Variants in POLR1B observed in about 807,000 individuals in gnomAD.
The protein encoded by POLR1B is DNA-directed RNA polymerase I subunit RPA2.
Under a neutral mutation model 105.8 loss-of-function variants are expected in POLR1B, and 30 were observed. That is an observed-to-expected ratio of 0.28 (90% confidence interval 0.21 to 0.38). The LOEUF (loss-of-function observed/expected upper bound fraction) is 0.38. Ranked by LOEUF, POLR1B falls within the 10% of genes least tolerant of loss-of-function variation. The pLI is 1.00. For synonymous variants in POLR1B, 485 were observed against 505.1 expected, an observed-to-expected ratio of 0.96 and a Z score of 0.53; for missense variants, 976 against 1,435.8, an observed-to-expected ratio of 0.68 and a Z score of 5.17.
rs912835319 is a variant in POLR1B at position 112,572,681 on chromosome 2, A to G, written c.2194A>G (p.Met732Val). The G allele has an allele frequency of 6.2e-7, 1 of 1,613,500 alleles. No individual in the cohort carries two copies. The highest frequency in any genetic ancestry group is 1.1e-5 in the South Asian group (1 of 90,926). ...ACCCTCCATGTATGATTATTATGAC[A>G]TGGATAACTATCCAATTGGGACCAA... is the stretch of plus-strand genomic sequence containing the variant. The part of the protein sequence containing the change: ...VRPSMYDYYD[M>V]DNYPIGTNAI... Residue 732 changes from methionine (M) to valine (V), a missense_variant, in exon 13 of 15, where the codon ATG (methionine) becomes GTG (valine). By Grantham distance (21) the Met-to-Val change is conservative. Coordinates refer to ENST00000263331, the MANE Select transcript of POLR1B (RefSeq NM_019014.6).
intron 1 of POLR1B, among the ~76,000 whole-genome samples, chr2:112,546,129 A>G (rs1159511393): frequency 1.3e-5 from 2 of 152,136 alleles, no homozygotes; most frequent in African/African-American, 2.4e-5. Flanking sequence ...ATTAATATAT[A>G]GGAGAGCTTG....
Position 112,568,772 on chromosome 2 carries a change from G to A in POLR1B, c.1944G>A (p.Glu648=), listed in dbSNP as rs1415855735. ...EQIFMNVAIF[E]DEVFAGVTTH... ...TCTTCATGAATGTCGCTATCTTTGA[G>A]GATGAAGTTTTTGCTGGAGTTACCA... The change falls in exon 12 of 15, where the codon GAG becomes GAA. Residue 648 remains glutamate, a synonymous_variant. Transcript: ENST00000263331. 3.1e-6 allele frequency: 5 copies of A among 1,614,044 alleles called. No individual in the cohort carries two copies. Among genetic ancestry groups the A allele is most frequent in the South Asian group, 1.1e-5 (1 of 91,058 alleles).
At chr2:112,555,203 C>G (rs1339832782) in intron 7 of POLR1B, among the ~76,000 whole-genome samples, 2 of 151,054 alleles carry the variant, frequency 1.3e-5, no homozygotes, top group Non-Finnish European at 3.0e-5. Flanking sequence ...GTTAGCTGGG[C>G]ATGGTGGTAC....
At position 112,576,005 on chromosome 2, in the gene POLR1B, T is replaced by TAATGATACGGCGA; in HGVS notation, c.*276_*277insAATGATACGGCGA. The TAATGATACGGCGA allele has an allele frequency of 2.5e-6, 1 of 407,316 alleles. No homozygotes were observed. Among genetic ancestry groups the TAATGATACGGCGA allele is most frequent in the South Asian group, 2.5e-5 (1 of 40,230 alleles). The allele number at this position is 407,316 out of a possible 1,614,324, so 25.2% of individuals were successfully genotyped here. A position where few individuals can be genotyped will look rare whatever the true frequency, so the allele number is the denominator to read the frequency against. On this transcript the variant is annotated 3_prime_UTR_variant, in exon 15 of 15. Coordinates refer to ENST00000263331, the MANE Select transcript of POLR1B (RefSeq NM_019014.6). The stretch of plus-strand genomic sequence containing the variant: ...AGAGCATACGGTGACAAGTCTCCTT[T>TAATGATACGGCGA]CCAACCCCAGGTTCCCTACACCCTG...
Position 112,557,976 on chromosome 2 carries a change from G to T in POLR1B, c.1225G>T (p.Val409Phe). 7.1e-7 allele frequency: 1 copy of T among 1,416,866 alleles called. No homozygotes were observed. The highest frequency in any genetic ancestry group is 9.3e-7 in the Non-Finnish European group (1 of 1,071,132). 87.8% of individuals were successfully genotyped at this position (1,416,866 alleles called of 1,614,324 possible). ...TGATAAGAAGGCTCAGAAGACCAGT[G>T]TTTCCATGAACACTGACAATTTGAT... ...AFDKKAQKTS[V>F]SMNTDNLMRI... The change falls in exon 8 of 15, where the codon GTT becomes TTT. Residue 409 changes from valine to phenylalanine, a missense_variant. Physicochemically the swap from Val to Phe is conservative, Grantham distance 50. This residue lies in a region of POLR1B where 452 missense variants were observed against 616.5 expected (regional missense o/e 0.73). Coordinates refer to ENST00000263331, the MANE Select transcript of POLR1B (RefSeq NM_019014.6).
intron 13 of POLR1B, 134 bp from the exon 14 acceptor site, chr2:112,573,428 C>A: frequency 8.5e-7 from 1 of 1,177,456 alleles, no homozygotes; most frequent in Non-Finnish European, 1.2e-6. Flanking sequence ...TAGTTAGTAT[C>A]AGTGATTTGG....
rs368273162 is a variant in POLR1B, at chr2:112,559,414, C to T, written c.1452C>T (p.Thr484=). The change falls in exon 9 of 15, where the codon ACC becomes ACT. Residue 484 remains threonine, a synonymous_variant. Coordinates refer to ENST00000263331, the MANE Select transcript of POLR1B (RefSeq NM_019014.6). ...CTGATTTTGCCAAGATGAGGACCAC[C>T]ACAGTACGCAGGCTGCTGCCAGAGT... ...RGADFAKMRT[T]TVRRLLPESW... 6 of 1,614,120 alleles carry T rather than the reference C, an allele frequency of 3.7e-6. No individual in the cohort carries two copies. In the African/African-American group the frequency reaches 8.0e-5, roughly 22 times the overall value.
intron 3 of POLR1B, 41 bp downstream of exon 3, chr2:112,547,608 T>G: frequency 6.3e-7 from 1 of 1,592,394 alleles, no homozygotes; most frequent in Non-Finnish European, 8.6e-7. Flanking sequence ...AGAGAAGGCC[T>G]GGGTTGGGAG....
In POLR1B at chr2:112,559,300, C is replaced by T. The variant is rs1683834998; in HGVS notation, c.1338C>T (p.Gly446=). 2 of 1,613,770 alleles carry T rather than the reference C, an allele frequency of 1.2e-6. No individual in the cohort carries two copies. The highest frequency in any genetic ancestry group is 1.7e-6 in the Non-Finnish European group (2 of 1,179,738). The change falls in exon 9 of 15, where the codon GGC becomes GGT. Residue 446 remains glycine, a synonymous_variant. Coordinates refer to ENST00000263331, the MANE Select transcript of POLR1B (RefSeq NM_019014.6). ...TGNLRSKTGL[G]LLQDSGLCVV... is the part of the protein sequence containing the mutation. ...GACTTTTGTTTTATTAAGGTCTTGG[C>T]CTCCTACAAGATTCTGGACTTTGTG...
At chr2:112,549,991 C>T (rs1372670030) in intron 4 of POLR1B, among the ~76,000 whole-genome samples, 6 of 152,150 alleles carry the variant, frequency 3.9e-5, no homozygotes, top group African/African-American at 1.4e-4. Flanking sequence ...CAATCATAAG[C>T]ATTTTAAAAT....
At chr2:112,549,218 G>A in intron 3 of POLR1B, 49 bp from the exon 4 acceptor site, 1 of 1,601,820 alleles carries the variant, frequency 6.2e-7, no homozygotes, top group Non-Finnish European at 8.5e-7. Context: ...CATGTTTACA[G>A]TTAGTCATGT....
At chr2:112,552,996 G>A (rs989028047) in intron 7 of POLR1B, among the ~76,000 whole-genome samples, 180 bp downstream of exon 7, 6 of 152,174 alleles carry the variant, frequency 3.9e-5, no homozygotes, top group East Asian at 1.9e-4. Context: ...CACCAGGTTT[G>A]GAAATTTGCT....
Position 112,564,425 on chromosome 2 carries a change from C to G in POLR1B, c.1672C>G (p.Leu558Val). Reference sequence around the variant, plus strand: ...ATACAGTGAGTGCTACCCTGTCCTGCTGGACGGTGTCATGGTTGGCTGGGT... The same window carrying G: ...ATACAGTGAGTGCTACCCTGTCCTGGTGGACGGTGTCATGGTTGGCTGGGT... ...RSYSECYPVL[L>V]DGVMVGWVDK... Residue 558 changes from leucine (L) to valine (V), a missense_variant, in exon 10 of 15, where the codon CTG becomes GTG. Transcript: ENST00000263331. 1 of 1,614,250 alleles carries G rather than the reference C, an allele frequency of 6.2e-7. No individual in the cohort carries two copies. Among genetic ancestry groups the G allele is most frequent in the Non-Finnish European group, 8.5e-7 (1 of 1,180,032 alleles).
intron 8 of POLR1B, among the ~76,000 whole-genome samples, chr2:112,558,352 C>A (rs1215078241): frequency 6.6e-6 from 1 of 152,178 alleles, no homozygotes; most frequent in Admixed American, 6.5e-5. Context: ...CTAACAGGAA[C>A]TCTAGATGGG....
At position 112,551,890 on chromosome 2, in the gene POLR1B, G is replaced by A. The variant is rs201484468; in HGVS notation, c.878G>A (p.Gly293Asp). Reference protein sequence around the residue: ...SQMLRIVMEEGCSTQKQVLNY... With the variant: ...SQMLRIVMEEDCSTQKQVLNY... Reference sequence around the variant, plus strand: ...ATGTTAAGGATTGTAATGGAAGAGGGTTGTTCGACACAAAAACAGGTCCTT... The same window carrying A: ...ATGTTAAGGATTGTAATGGAAGAGGATTGTTCGACACAAAAACAGGTCCTT... The change falls in exon 6 of 15, where the codon GGT (glycine) becomes GAT (aspartate). Residue 293 changes from glycine to aspartate, a missense_variant. Around this residue, in one of 12 missense-constraint regions of POLR1B, gnomAD observed 452 missense variants for 616.5 expected, o/e 0.73. Coordinates refer to ENST00000263331, the MANE Select transcript of POLR1B (RefSeq NM_019014.6). 1.1e-5 allele frequency: 17 copies of A among 1,613,922 alleles called. No homozygotes were observed. The Admixed American group carries it at 2.3e-4, about 22-fold the overall frequency.
Position 112,575,832 on chromosome 2 carries a change from A to T in POLR1B, c.*103A>T. 1.6e-5 allele frequency: 21 copies of T among 1,332,990 alleles called. No homozygotes were observed. The South Asian group carries it at 3.0e-4, about 19-fold the overall frequency. 82.6% of individuals were successfully genotyped at this position (1,332,990 alleles called of 1,614,324 possible). ...ACCAGGTTACTCTTGAGATTTTTCA[A>T]CGGTGTTAGAACTCTCAACCAAGAC... On this transcript the variant is annotated 3_prime_UTR_variant, in exon 15 of 15. Coordinates refer to ENST00000263331, the MANE Select transcript of POLR1B (RefSeq NM_019014.6). This position sits in a 1 kb window ranked among gnomAD's most constrained non-coding sequence, Gnocchi z 5.3.
At chr2:112,563,947 T>C (rs971194203) in intron 9 of POLR1B, among the ~76,000 whole-genome samples, 2 of 152,098 alleles carry the variant, frequency 1.3e-5, no homozygotes, top group Non-Finnish European at 1.5e-5. Flanking sequence ...AAGCAATTCC[T>C]CATCCATTCA....
At chr2:112,548,546 A>G (rs1683180943) in intron 3 of POLR1B, among the ~76,000 whole-genome samples, 3 of 152,094 alleles carry the variant, frequency 2.0e-5, no homozygotes. Context: ...CTTTCATACA[A>G]TCAAGTTTTT....
chr2:112,571,990 A>C (rs1372904438), intron 12 of POLR1B, among the ~76,000 whole-genome samples: 2 of 152,132 alleles, frequency 1.3e-5, no homozygotes, highest in East Asian at 3.9e-4. Context: ...TGGAAGCTCT[A>C]AGTCTATAAT....
Sources: allele counts gnomAD v4.1 joint callset (sites outside exome capture counted in the v4.1 genomes callset), GRCh38; gene constraint gnomAD v4.1.1; regional missense constraint gnomAD v4.1.1; non-coding constraint Gnocchi (gnomAD v3.1); transcripts MANE v1.5; gene names NCBI Gene and HGNC (gene_info 2026-07-23, HGNC 2026-07-21).